NAV3: variants seen among roughly 807,000 people sequenced by gnomAD.
The protein encoded by NAV3 is pore membrane and/or filament interacting like protein 1.
Under a neutral mutation model 244.7 loss-of-function variants are expected in NAV3, and 87 were observed. That is an observed-to-expected ratio of 0.36 (90% CI 0.30 to 0.42). NAV3 has a LOEUF of 0.42. Among genes scored for constraint, NAV3 ranks in the 20% least tolerant of loss-of-function variants. The pLI is 1.00. For missense variants in NAV3, 2,663 were observed against 2,893.3 expected, an observed-to-expected ratio of 0.92 and a Z score of 1.83; for synonymous variants, 1,126 against 1,042.2, an observed-to-expected ratio of 1.08 and a Z score of -1.55.
At chr12:78,154,327 T>C (rs997238771) in intron 22 of NAV3, among the ~76,000 whole-genome samples, 4 of 73,882 alleles carry the variant, frequency 5.4e-5, no homozygotes, top group African/African-American at 1.8e-4. Context: ...ATATATAGTA[T>C]ATATTATATA....
At chr12:77,867,404 T>TTTGTTGTTG (rs61105303) in intron 1 of NAV3, among the ~76,000 whole-genome samples, 2 of 151,590 alleles carry the variant, frequency 1.3e-5, no homozygotes, top group African/African-American at 4.9e-5. Context: ...CAGGTATGTT[T>TTTGTTGTTG]TTGTTGTTGT....
intron 5 of NAV3, among the ~76,000 whole-genome samples, chr12:77,986,258 A>C (rs1870488822): frequency 6.6e-6 from 1 of 152,164 alleles, no homozygotes; most frequent in African/African-American, 2.4e-5. Context: ...GCTACTTGGG[A>C]GGCTGAGGCA....
intron 2 of NAV3, among the ~76,000 whole-genome samples, chr12:77,595,460 CA>C (rs1170250437): frequency 6.6e-6 from 1 of 151,950 alleles, no homozygotes; most frequent in African/African-American, 2.4e-5. Context: ...GCCTAGAGAC[CA>C]AATGTAAGCA....
intron 20 of NAV3, among the ~76,000 whole-genome samples, chr12:78,140,574 G>A (rs1956565757): frequency 6.6e-6 from 1 of 152,156 alleles, no homozygotes; most frequent in African/African-American, 2.4e-5. Flanking sequence ...TAATCAATGA[G>A]TGGATGTAGA....
intron 2 of NAV3, among the ~76,000 whole-genome samples, chr12:77,711,420 A>G (rs1876107440): frequency 6.6e-6 from 1 of 152,220 alleles, no homozygotes; most frequent in African/African-American, 2.4e-5. Context: ...CTTCAGGGGA[A>G]TTGGTCAAAG....
intron 5 of NAV3, among the ~76,000 whole-genome samples, chr12:77,972,602 T>C (rs1893090174): frequency 6.6e-6 from 1 of 152,038 alleles, no homozygotes; most frequent in African/African-American, 2.4e-5. Flanking sequence ...AAAAGGTAGA[T>C]AAAAATTCTC....
chr12:78,199,043 C>G, intron 36 of NAV3: 1 of 560,696 alleles, frequency 1.8e-6, no homozygotes, highest in South Asian at 1.6e-5. Context: ...GTTGCTATTT[C>G]AGGATTTGTG....
intron 1 of NAV3, among the ~76,000 whole-genome samples, chr12:77,845,852 C>G (rs141777669): frequency 3.3e-5 from 5 of 152,100 alleles, no homozygotes; most frequent in Non-Finnish European, 5.9e-5. Context: ...GGGGTGTCTC[C>G]ATGTTGCTCA....
At chr12:77,994,926 A>G (rs1208476294) in intron 6 of NAV3, 55 bp downstream of exon 6, 1 of 1,275,252 alleles carries the variant, frequency 7.8e-7, no homozygotes, top group African/African-American at 1.5e-5. Flanking sequence ...ATAAATACCC[A>G]GTGATATTTT....
At chr12:78,073,746 CA>C (rs997979688) in intron 12 of NAV3, among the ~76,000 whole-genome samples, 4 of 151,800 alleles carry the variant, frequency 2.6e-5, no homozygotes, top group South Asian at 4.2e-4. Context: ...AATCCTAAGC[CA>C]AAAAAACAAA....
intron 11 of NAV3, among the ~76,000 whole-genome samples, chr12:78,052,004 A>T (rs1283917585): frequency 6.6e-6 from 1 of 152,214 alleles, no homozygotes; most frequent in Non-Finnish European, 1.5e-5. Flanking sequence ...GCAGACCTGC[A>T]TTAGAACTCA....
At chr12:78,180,461 CTCTG>C (rs796949672) in intron 29 of NAV3, among the ~76,000 whole-genome samples, 17 of 152,090 alleles carry the variant, frequency 1.1e-4, no homozygotes, top group East Asian at 5.8e-4. Context: ...TTTTGTTTTG[CTCTG>C]TCTTTCAACT....
chr12:77,650,526 G>T (rs1171211698), intron 2 of NAV3, among the ~76,000 whole-genome samples: 1 of 152,024 alleles, frequency 6.6e-6, no homozygotes, highest in Non-Finnish European at 1.5e-5. Context: ...CCCAATGCAG[G>T]ATTTTAAAAG....
intron 2 of NAV3, among the ~76,000 whole-genome samples, chr12:77,662,328 T>C (rs948757728): frequency 1.3e-5 from 2 of 152,046 alleles, no homozygotes; most frequent in African/African-American, 4.8e-5. Context: ...GGTTTATGCG[T>C]CTTACACTTC....
chr12:77,986,723 GAAATTATTAA>G (rs1037822339), intron 5 of NAV3, among the ~76,000 whole-genome samples: 5 of 152,110 alleles, frequency 3.3e-5, no homozygotes, highest in African/African-American at 1.2e-4. Flanking sequence ...CATCTTACAT[GAAATTATTAA>G]AATTTTCTTA....
At chr12:77,653,962 G>C (rs1281045019) in intron 2 of NAV3, among the ~76,000 whole-genome samples, 1 of 54,860 alleles carries the variant, frequency 1.8e-5, no homozygotes. Context: ...ATATGAGATA[G>C]TTGGGGGAGG....
intron 2 of NAV3, among the ~76,000 whole-genome samples, chr12:77,720,313 A>G (rs1876555421): frequency 6.6e-6 from 1 of 152,270 alleles, no homozygotes; most frequent in African/African-American, 2.4e-5. Flanking sequence ...GGCTGTTCAC[A>G]GAGGAAGGCC....
At chr12:77,769,979 G>A (rs1289728766) in intron 2 of NAV3, among the ~76,000 whole-genome samples, 2 of 151,948 alleles carry the variant, frequency 1.3e-5, no homozygotes, top group Non-Finnish European at 2.9e-5. Context: ...AAATTTATAG[G>A]TCAGACATTT....
At chr12:78,105,270 G>C (rs1237545455) in intron 12 of NAV3, among the ~76,000 whole-genome samples, 2 of 151,904 alleles carry the variant, frequency 1.3e-5, no homozygotes, top group Admixed American at 6.6e-5. Flanking sequence ...AGAGATATTT[G>C]GTTCAAAATC....
Sources: gnomAD v4.1 joint callset for allele counts (sites outside exome capture counted in the v4.1 genomes callset) on GRCh38, gnomAD v4.1.1 for gene constraint, MANE v1.5 for transcripts, NCBI Gene and HGNC (gene_info 2026-07-23, HGNC 2026-07-21) for gene names.